The following RNF145 variants were observed in gnomAD, a reference collection of about 807,000 sequenced individuals.
The protein encoded by RNF145 is ring finger protein 145.
Under a neutral mutation model 57.3 loss-of-function variants are expected in RNF145, and 12 were observed. The observed-to-expected ratio is 0.21, with a 90% confidence interval of 0.13 to 0.34. The LOEUF (loss-of-function observed/expected upper bound fraction) is 0.34. Ranked by LOEUF, RNF145 falls within the 10% of genes least tolerant of loss-of-function variation. The pLI is 1.00. For missense variants in RNF145, 429 were observed against 799.0 expected, an observed-to-expected ratio of 0.54 and a Z score of 5.58; for synonymous variants, 262 against 288.3, an observed-to-expected ratio of 0.91 and a Z score of 0.92.
intron 3 of RNF145, among the ~76,000 whole-genome samples, chr5:159,187,480 A>C (rs1372085293): frequency 6.6e-6 from 1 of 151,816 alleles, no homozygotes; most frequent in Non-Finnish European, 1.5e-5. Context: ...GGTGCCTGCC[A>C]CCATGCCCGG....
chr5:159,207,859 G>A (rs1373135962), intron 1 of RNF145: 2 of 1,614,126 alleles, frequency 1.2e-6, no homozygotes, highest in Non-Finnish European at 1.7e-6. Context: ...TTCAACTTAA[G>A]GAACAGAGAG....
chr5:159,186,686 C>T (rs2062453799), intron 3 of RNF145, among the ~76,000 whole-genome samples: 1 of 152,042 alleles, frequency 6.6e-6, no homozygotes, highest in Non-Finnish European at 1.5e-5. Context: ...ATTCATTTAC[C>T]CAGAGTTTAT....
chr5:159,175,283 C>T (rs1784682887), intron 5 of RNF145, among the ~76,000 whole-genome samples: 1 of 152,014 alleles, frequency 6.6e-6, no homozygotes, highest in South Asian at 2.1e-4. Flanking sequence ...TTCTTCCTTT[C>T]CATTCAAGAA....
chr5:159,177,476 A>G (rs927402805), intron 4 of RNF145, among the ~76,000 whole-genome samples: 2 of 152,190 alleles, frequency 1.3e-5, no homozygotes, highest in Non-Finnish European at 2.9e-5. Context: ...GGAAACTCTC[A>G]GTCTCTTATA....
At chr5:159,164,655 G>C (rs1056258453) in intron 8 of RNF145, among the ~76,000 whole-genome samples, 1 of 151,970 alleles carries the variant, frequency 6.6e-6, no homozygotes, top group East Asian at 1.9e-4. Context: ...AAAAATAAGG[G>C]AAAATTACAT....
chr5:159,209,001 G>A (rs901878602), intron 1 of RNF145, among the ~76,000 whole-genome samples: 9 of 151,744 alleles, frequency 5.9e-5, no homozygotes, highest in African/African-American at 2.2e-4. Flanking sequence ...GGAGGGAGGC[G>A]ACCACCGCGG....
chr5:159,175,969 T>C (rs753516942), intron 5 of RNF145, among the ~76,000 whole-genome samples: 3 of 152,296 alleles, frequency 2.0e-5, no homozygotes, highest in Middle Eastern at 3.4e-3. Flanking sequence ...CAAATGTGTA[T>C]TGTTTGTATC....
At chr5:159,180,511 A>C (rs1313828984) in intron 4 of RNF145, among the ~76,000 whole-genome samples, 2 of 152,056 alleles carry the variant, frequency 1.3e-5, no homozygotes, top group Admixed American at 1.3e-4. Context: ...AAAACCCTAT[A>C]AGGCATTTTC....
At chr5:159,177,362 C>G (rs1317617291) in intron 4 of RNF145, among the ~76,000 whole-genome samples, 1 of 151,948 alleles carries the variant, frequency 6.6e-6, no homozygotes, top group Non-Finnish European at 1.5e-5. Context: ...TAAACTGCCC[C>G]AAATAACTAA....
chr5:159,204,582 G>C (rs1785801409), intron 1 of RNF145, among the ~76,000 whole-genome samples: 1 of 152,160 alleles, frequency 6.6e-6, no homozygotes, highest in South Asian at 2.1e-4. Flanking sequence ...GAAGCAGGCA[G>C]ATCATGAGGT....
intron 1 of RNF145, chr5:159,207,422 A>G: frequency 8.5e-7 from 1 of 1,178,624 alleles, no homozygotes; most frequent in East Asian, 2.5e-5. Context: ...ACTATTCAGT[A>G]CAATACTTCT....
At chr5:159,173,892 C>T (rs1336875925) in intron 6 of RNF145, 91 bp downstream of exon 6, 5 of 888,264 alleles carry the variant, frequency 5.6e-6, no homozygotes, top group Non-Finnish European at 8.3e-6. Flanking sequence ...GTAACATGAA[C>T]GATAAAAGTA....
In RNF145 at chr5:159,209,501, GCGT is replaced by G. The variant is rs998507436; in HGVS notation, c.-313_-311del. 45 of 927,416 alleles carry G rather than the reference GCGT, an allele frequency of 4.9e-5. No individual in the cohort carries two copies. The highest frequency in any genetic ancestry group is 3.9e-4 in the African/African-American group (15 of 38,548). 57.4% of individuals were successfully genotyped at this position (927,416 alleles called of 1,614,324 possible). ...CCGAGCCCCTTAGCAGCCGGCGCCG[GCGT>G]CGGCGGCCATGGCCTCCTGCGTTTG... On this transcript the variant is annotated 5_prime_UTR_variant, in exon 1 of 11. Coordinates refer to ENST00000424310, the MANE Select transcript of RNF145 (RefSeq NM_001199383.2).
rs370914598 is a variant in RNF145, at chr5:159,209,162, G to A, written c.-40+69C>T. The A allele has an allele frequency of 7.4e-5, 45 of 604,628 alleles. No homozygotes were observed. The African/African-American group carries it at 8.2e-4, about 11-fold the overall frequency. 37.5% of individuals were successfully genotyped at this position (604,628 alleles called of 1,614,324 possible). Reference sequence around the variant, plus strand: ...GGAGCCTGCGACGCGATGGGGGAGGGGAGGGAGGCCGTGGGAAGCGGCCGG... The same window carrying A: ...GGAGCCTGCGACGCGATGGGGGAGGAGAGGGAGGCCGTGGGAAGCGGCCGG... On this transcript the variant is annotated intron_variant, in intron 1 of 10. Transcript: ENST00000424310.
Position 159,163,043 on chromosome 5 carries a change from A to G in RNF145, c.1158T>C (p.Cys386=). The G allele has an allele frequency of 6.2e-7, 1 of 1,608,802 alleles. No homozygotes were observed. ...AAGCAGGGAATACCAATAAAAATAA[A>G]CAAAGGCTTACAGCACGGAAGTGTT... ...LWKHFRAVSL[C]LFLLVFPAYM... is the part of the protein sequence containing the mutation. Residue 386 remains cysteine, a synonymous_variant, in exon 9 of 11, where the codon TGT becomes TGC. Coordinates refer to ENST00000424310, the MANE Select transcript of RNF145 (RefSeq NM_001199383.2).
In RNF145 at chr5:159,196,689, C is replaced by G. The variant is rs376550468; in HGVS notation, c.185-1865G>C. On this transcript the variant is annotated intron_variant, in intron 2 of 10. Transcript: ENST00000424310. ...CCAGAGATAAGTATTTTTATTTGCT[C>G]TTTATTTCTTAAAATAATTTCCCCA... is the stretch of plus-strand genomic sequence containing the variant. Among the ~76,000 whole-genome samples, 15 of 152,266 alleles carry G rather than the reference C, an allele frequency of 9.9e-5. No homozygotes were observed. The East Asian group carries it at 2.3e-3, about 24-fold the overall frequency.
chr5:159,180,787 T>C (rs1784864770), intron 4 of RNF145, among the ~76,000 whole-genome samples: 1 of 152,134 alleles, frequency 6.6e-6, no homozygotes, highest in African/African-American at 2.4e-5. Context: ...AAATTGAGTA[T>C]GTGCTTTACA....
intron 2 of RNF145, among the ~76,000 whole-genome samples, chr5:159,198,717 T>C (rs1290847944): frequency 6.6e-6 from 1 of 152,198 alleles, no homozygotes; most frequent in Non-Finnish European, 1.5e-5. Context: ...GTCTAAGAAG[T>C]AATTCAAAAT....
At chr5:159,171,483 T>C (rs537068594) in intron 6 of RNF145, among the ~76,000 whole-genome samples, 1 of 152,300 alleles carries the variant, frequency 6.6e-6, no homozygotes, top group Admixed American at 6.5e-5. Flanking sequence ...AAAAATGTGG[T>C]GCTATTTTTC....
Sources: allele counts gnomAD v4.1 joint callset (sites outside exome capture counted in the v4.1 genomes callset), GRCh38; gene constraint gnomAD v4.1.1; transcripts MANE v1.5; gene names NCBI Gene and HGNC (gene_info 2026-07-23, HGNC 2026-07-21).